The following TMEM242 variants were observed in gnomAD, a reference collection of about 807,000 sequenced individuals.
The protein encoded by TMEM242 is UPF0463 transmembrane protein C6orf35.
Under a neutral mutation model 18.2 loss-of-function variants are expected in TMEM242, and 10 were observed. The observed-to-expected ratio is 0.55, with a 90% CI of 0.34 to 0.93. TMEM242 has a LOEUF of 0.93. Ranked by LOEUF, TMEM242 falls within the 40% of genes least tolerant of loss-of-function variation. TMEM242 has a pLI of 0.02. For missense variants in TMEM242, 186 were observed against 175.5 expected (o/e 1.06, Z -0.34); for synonymous variants, 57 against 69.9 (o/e 0.81, Z 0.92).
intron 3 of TMEM242, among the ~76,000 whole-genome samples, chr6:157,308,726 A>C (rs1390635359): frequency 2.0e-5 from 3 of 146,642 alleles, no homozygotes; most frequent in African/African-American, 7.4e-5. Flanking sequence ...GCAGGGACTC[A>C]GGAGAGATAC....
At chr6:157,304,814 G>C (rs1777888053) in intron 3 of TMEM242, among the ~76,000 whole-genome samples, 1 of 152,194 alleles carries the variant, frequency 6.6e-6, no homozygotes, top group Non-Finnish European at 1.5e-5. Flanking sequence ...AATTAAGTTT[G>C]AGTTGAAACC....
rs1308122987 is a variant in TMEM242, at chr6:157,289,955, T to C, written c.*2946A>G. On this transcript the variant is annotated 3_prime_UTR_variant, in exon 4 of 4. Transcript: ENST00000400788. ...CCTTGGGCCATGGTCCTCCTGGTGATGGGCTGCCGGGCGTCTTCGGAGGCA... is the reference window on the plus strand; with the variant it reads ...CCTTGGGCCATGGTCCTCCTGGTGACGGGCTGCCGGGCGTCTTCGGAGGCA... The C allele has an allele frequency of 5.3e-5, 8 of 152,228 alleles. No homozygotes were observed. The highest frequency in any genetic ancestry group is 2.0e-4 in the Admixed American group (3 of 15,278). 9.4% of individuals were successfully genotyped at this position (152,228 alleles called of 1,614,324 possible).
intron 3 of TMEM242, among the ~76,000 whole-genome samples, chr6:157,314,361 A>AGTGT (rs1778343750): frequency 2.6e-5 from 4 of 151,864 alleles, no homozygotes; most frequent in Admixed American, 1.3e-4. Context: ...ATAGTGTCCC[A>AGTGT]GCATGCATTC....
intron 3 of TMEM242, among the ~76,000 whole-genome samples, chr6:157,312,603 C>T (rs1334136343): frequency 1.5e-5 from 1 of 68,462 alleles, no homozygotes; most frequent in Non-Finnish European, 3.2e-5. Context: ...CCGCAGTGTG[C>T]ACTCACCTAG....
chr6:157,313,078 G>GCT (rs1778241024), intron 3 of TMEM242, among the ~76,000 whole-genome samples: 6 of 69,506 alleles, frequency 8.6e-5, no homozygotes, highest in African/African-American at 3.0e-4. Context: ...GTCCCAGTAT[G>GCT]CACTCACCTG....
rs587663212 is a variant in TMEM242 at position 157,293,425 on chromosome 6, A to G, written c.328-426T>C. On this transcript the variant is annotated intron_variant, in intron 3 of 3. Transcript: ENST00000400788. Reference sequence around the variant, plus strand: ...GCAAGGCAACATGTCCTAAACCGTCAACTCTCCATAATAATTATTCCCTCC... The same window carrying G: ...GCAAGGCAACATGTCCTAAACCGTCGACTCTCCATAATAATTATTCCCTCC... Among the ~76,000 whole-genome samples the G allele has an allele frequency of 8.9e-4, 135 of 152,262 alleles. 2 individuals carry two copies. The highest frequency in any genetic ancestry group is 3.1e-3 in the African/African-American group (130 of 41,556).
chr6:157,313,121 C>T (rs202145377), intron 3 of TMEM242, among the ~76,000 whole-genome samples: 1,562 of 7,704 alleles, frequency 0.2, 12 homozygotes, highest in African/African-American at 0.26. Flanking sequence ...TGTGCTCACC[C>T]GGCCTCATCA....
intron 3 of TMEM242, among the ~76,000 whole-genome samples, chr6:157,312,232 G>A (rs1554249181): frequency 1.3e-5 from 2 of 150,224 alleles, no homozygotes; most frequent in Non-Finnish European, 3.0e-5. Context: ...GTGCCCCAGT[G>A]TACACTCATC....
intron 3 of TMEM242, among the ~76,000 whole-genome samples, chr6:157,303,903 C>T (rs138970251): frequency 0.013 from 2,040 of 151,906 alleles, 41 homozygotes; most frequent in African/African-American, 0.047. Flanking sequence ...ACTGGGAAAA[C>T]TGGAGGAAAG....
At chr6:157,302,108 A>G (rs181788990) in intron 3 of TMEM242, among the ~76,000 whole-genome samples, 2 of 152,330 alleles carry the variant, frequency 1.3e-5, no homozygotes, top group African/African-American at 4.8e-5. Flanking sequence ...CAGAGCCACA[A>G]ACCAAATGGT....
chr6:157,301,239 T>C (rs1777826107), intron 3 of TMEM242, among the ~76,000 whole-genome samples: 1 of 152,254 alleles, frequency 6.6e-6, no homozygotes, highest in Admixed American at 6.5e-5. Context: ...TAGCTCCTCA[T>C]GATCAGCAAA....
chr6:157,303,319 TAG>T (rs1340541335), intron 3 of TMEM242, among the ~76,000 whole-genome samples: 1 of 152,186 alleles, frequency 6.6e-6, no homozygotes, highest in Non-Finnish European at 1.5e-5. Context: ...AGACCCCATC[TAG>T]AGAGAGTTCT....
intron 3 of TMEM242, among the ~76,000 whole-genome samples, chr6:157,312,301 T>A: frequency 6.6e-6 from 1 of 152,222 alleles, no homozygotes; most frequent in Non-Finnish European, 1.5e-5. Context: ...TGCCCCAGTG[T>A]GCGTTGATCT....
chr6:157,323,322 G>A (rs1282748656), intron 1 of TMEM242, 90 bp downstream of exon 1: 1 of 1,370,964 alleles, frequency 7.3e-7, no homozygotes, highest in Non-Finnish European at 1.0e-6. Flanking sequence ...CTCTCAGAGC[G>A]GGATGTGTGT....
chr6:157,295,798 G>A (rs587627707), intron 3 of TMEM242, among the ~76,000 whole-genome samples: 5 of 152,292 alleles, frequency 3.3e-5, no homozygotes, highest in South Asian at 2.1e-4. Flanking sequence ...GGAAAGGAAC[G>A]GAGATGGGTA....
intron 1 of TMEM242, 146 bp downstream of exon 1, chr6:157,323,266 C>T: frequency 1.1e-6 from 1 of 888,552 alleles, no homozygotes; most frequent in Middle Eastern, 2.3e-4. Context: ...CTCCCTGGGC[C>T]GCCAGACTCC....
intron 3 of TMEM242, among the ~76,000 whole-genome samples, chr6:157,310,472 G>C (rs968111426): frequency 6.6e-6 from 1 of 151,702 alleles, no homozygotes; most frequent in Non-Finnish European, 1.5e-5. Context: ...CAGTGCCCCA[G>C]TGTGTGCTCA....
intron 3 of TMEM242, 33 bp from the exon 4 acceptor site, chr6:157,293,032 T>C (rs587648375): frequency 6.4e-7 from 1 of 1,553,468 alleles, no homozygotes; most frequent in Non-Finnish European, 8.9e-7. Context: ...TTATCAAATG[T>C]TAAAAGAAGG....
rs1437366636 is a variant in TMEM242, at chr6:157,311,193, C to T, written c.327+7589G>A. Among the ~76,000 whole-genome samples the T allele has an allele frequency of 1.5e-5, 2 of 132,388 alleles. 1 individual carries two copies. Among genetic ancestry groups the T allele is most frequent in the Non-Finnish European group, 3.3e-5 (2 of 61,006 alleles). The allele number at this position is 132,388 out of a possible 152,430, so 86.9% of individuals were successfully genotyped here. Reference sequence around the variant, plus strand: ...GTGTCCGAATGTGCGCTCACCCAGCCTGATCATACTGTCCGACTGTGCGCT... The same window carrying T: ...GTGTCCGAATGTGCGCTCACCCAGCTTGATCATACTGTCCGACTGTGCGCT... On this transcript the variant is annotated intron_variant, in intron 3 of 3. Coordinates refer to ENST00000400788, the MANE Select transcript of TMEM242 (RefSeq NM_018452.6).
Sources: allele counts gnomAD v4.1 joint callset (sites outside exome capture counted in the v4.1 genomes callset), GRCh38; gene constraint gnomAD v4.1.1; transcripts MANE v1.5; gene names NCBI Gene and HGNC (gene_info 2026-07-23, HGNC 2026-07-21).